The following HSF2BP variants were observed in gnomAD, a reference collection of about 807,000 sequenced individuals.
HSF2BP encodes heat shock transcription factor 2 binding protein.
HSF2BP carries 35 observed loss-of-function variants against 35.0 expected under a neutral mutation model. That is an observed-to-expected ratio of 1.00 (90% CI 0.76 to 1.32). The LOEUF is 1.32. Ranked by LOEUF, HSF2BP falls within the 40% of genes most tolerant of loss-of-function variation. The pLI, the probability that HSF2BP is intolerant of heterozygous loss-of-function variation, is 0.00. For synonymous variants in HSF2BP, 114 were observed against 117.4 expected, an observed-to-expected ratio of 0.97 and a Z score of 0.18; for missense variants, 326 against 321.7, an observed-to-expected ratio of 1.01 and a Z score of -0.10.
At chr21:43,641,117 C>T (rs4819282) in intron 4 of HSF2BP, among the ~76,000 whole-genome samples, 11 of 152,248 alleles carry the variant, frequency 7.2e-5, no homozygotes, top group African/African-American at 2.2e-4. Context: ...CTCAGCCTCC[C>T]GAGTAGCTGG....
intron 4 of HSF2BP, among the ~76,000 whole-genome samples, chr21:43,640,291 A>G (rs1349841151): frequency 6.6e-6 from 1 of 152,244 alleles, no homozygotes; most frequent in Non-Finnish European, 1.5e-5. Context: ...TGACACAGTG[A>G]GACTCTGTCT....
intron 6 of HSF2BP, among the ~76,000 whole-genome samples, chr21:43,615,090 T>C (rs1218484236): frequency 7.2e-5 from 11 of 152,162 alleles, no homozygotes; most frequent in Non-Finnish European, 2.9e-5. Context: ...CCTCGAAGTA[T>C]CCAATGATCC....
At chr21:43,608,407 T>A (rs1036421270) in intron 7 of HSF2BP, among the ~76,000 whole-genome samples, 5 of 152,106 alleles carry the variant, frequency 3.3e-5, no homozygotes, top group African/African-American at 1.2e-4. Context: ...AGGTACTATC[T>A]CACACCAGTC....
chr21:43,626,351 G>A (rs1419634392), intron 6 of HSF2BP, among the ~76,000 whole-genome samples: 8 of 152,016 alleles, frequency 5.3e-5, no homozygotes, highest in Non-Finnish European at 1.2e-4. Flanking sequence ...ATAAAGCAGA[G>A]ATTAAAGATC....
intron 7 of HSF2BP, among the ~76,000 whole-genome samples, chr21:43,593,536 G>GT (rs1187621195): frequency 1.3e-5 from 2 of 152,086 alleles, no homozygotes; most frequent in African/African-American, 4.8e-5. Context: ...GATACTAGAA[G>GT]TATCAACTGC....
chr21:43,584,064 G>T (rs1601621189), intron 8 of HSF2BP, among the ~76,000 whole-genome samples: 1 of 131,808 alleles, frequency 7.6e-6, no homozygotes, highest in African/African-American at 2.9e-5. Context: ...GAGATGAAGG[G>T]CCTGCTGAGG....
chr21:43,633,176 T>C, intron 5 of HSF2BP, 96 bp downstream of exon 5: 2 of 1,315,304 alleles, frequency 1.5e-6, no homozygotes, highest in Non-Finnish European at 2.1e-6. Context: ...AATGGAAAGA[T>C]ATGGACTTAG....
At chr21:43,581,154 A>T (rs1242259875) in intron 8 of HSF2BP, among the ~76,000 whole-genome samples, 1 of 152,200 alleles carries the variant, frequency 6.6e-6, no homozygotes, top group Non-Finnish European at 1.5e-5. Context: ...TGGGAAGACG[A>T]GGCGGGCGGA....
In HSF2BP at chr21:43,590,856, AG is replaced by A. The variant is rs539770710; in HGVS notation, c.796+1368del. ...CTCTCTGGAAAGCAGGGAGAGGAGC[AG>A]GAAGGAGGGACCACAAAGGGGCACA... is the stretch of plus-strand genomic sequence containing the variant. On this transcript the variant is annotated intron_variant, in intron 8 of 8. Coordinates refer to ENST00000291560, the MANE Select transcript of HSF2BP (RefSeq NM_007031.2). 1.6e-3 allele frequency among the ~76,000 whole-genome samples: 240 copies of A among 152,372 alleles called. 4 individuals carry two copies. Among genetic ancestry groups the A allele is most frequent in the African/African-American group, 5.6e-3 (235 of 41,596 alleles).
chr21:43,567,689 G>T lies in HSF2BP; in HGVS notation c.796+24536C>A, dbSNP rs149432750. Among the ~76,000 whole-genome samples the T allele has an allele frequency of 2.5e-3, 33 of 13,254 alleles. 2 individuals are homozygous for T. The highest frequency in any genetic ancestry group is 0.01 in the South Asian group (5 of 498). 8.7% of individuals were successfully genotyped at this position (13,254 alleles called of 152,430 possible). On this transcript the variant is annotated intron_variant, in intron 8 of 8. Coordinates refer to ENST00000291560, the MANE Select transcript of HSF2BP (RefSeq NM_007031.2). ...AAGAATAGGTAGCTGCCATTGTGTG[G>T]AACTAAGGAGAATGAAGAGAACAAG...
At chr21:43,584,146 GC>G (rs1314836539) in intron 8 of HSF2BP, among the ~76,000 whole-genome samples, 1 of 141,220 alleles carries the variant, frequency 7.1e-6, no homozygotes, top group Non-Finnish European at 1.5e-5. Context: ...GAGATGAAGG[GC>G]CTGCCGAGGG....
At position 43,598,861 on chromosome 21, in the gene HSF2BP, G is replaced by A. The variant is rs935446852; in HGVS notation, c.693-6533C>T. 3.3e-5 allele frequency among the ~76,000 whole-genome samples: 5 copies of A among 152,106 alleles called. No homozygotes were observed. In the South Asian group the frequency reaches 1.0e-3, roughly 32 times the overall value. On this transcript the variant is annotated intron_variant, in intron 7 of 8. Coordinates refer to ENST00000291560, the MANE Select transcript of HSF2BP (RefSeq NM_007031.2). ...CTTCAGATCACAAACACAGAGAGTTGGAATTCCTTAGAATTAAATATATTG... is the reference window on the plus strand; with the variant it reads ...CTTCAGATCACAAACACAGAGAGTTAGAATTCCTTAGAATTAAATATATTG...
At chr21:43,633,113 A>G in intron 5 of HSF2BP, 159 bp downstream of exon 5, 1 of 690,868 alleles carries the variant, frequency 1.4e-6, no homozygotes, top group East Asian at 3.0e-5. Context: ...TCAGGTTACA[A>G]TGAACCATAT....
chr21:43,581,994 G>C (rs2081747439), intron 8 of HSF2BP, among the ~76,000 whole-genome samples: 5 of 137,760 alleles, frequency 3.6e-5, no homozygotes, highest in Admixed American at 1.4e-4. Context: ...AGGGCCTGCT[G>C]TGGGAGATGA....
the HSF2BP span, among the ~76,000 whole-genome samples, chr21:43,501,251 A>G: frequency 1.6e-5 from 2 of 122,274 alleles, 1 homozygote; most frequent in Non-Finnish European, 3.4e-5. Context: ...TAAACAATTT[A>G]TAAGTTTTTT....
chr21:43,609,133 G>A (rs897313584), intron 7 of HSF2BP, among the ~76,000 whole-genome samples: 2 of 152,230 alleles, frequency 1.3e-5, no homozygotes, highest in African/African-American at 2.4e-5. Flanking sequence ...CAACATGGAT[G>A]CAGCTGGAGG....
chr21:43,602,130 CCA>C (rs565356674), intron 7 of HSF2BP, among the ~76,000 whole-genome samples: 20 of 152,192 alleles, frequency 1.3e-4, no homozygotes, highest in Non-Finnish European at 2.5e-4. Flanking sequence ...GTCCTGGACT[CCA>C]CACTCTCCAG....
In HSF2BP at chr21:43,658,108, C is replaced by T; in HGVS notation, c.-12G>A. The T allele has an allele frequency of 9.8e-6, 15 of 1,530,378 alleles. No homozygotes were observed. The highest frequency in any genetic ancestry group is 1.3e-5 in the Non-Finnish European group (15 of 1,142,984). The allele number at this position is 1,530,378 out of a possible 1,614,324, so 94.8% of individuals were successfully genotyped here. The stretch of plus-strand genomic sequence containing the variant: ...CCCGCTTCGCCCATGGCCGCTGCCG[C>T]CTCCGCTCCGTTCGCCTGAGCGTCG... On this transcript the variant is annotated 5_prime_UTR_variant, in exon 2 of 9. Transcript: ENST00000291560.
intron 1 of HSF2BP, among the ~76,000 whole-genome samples, chr21:43,658,725 C>T (rs1318797069): frequency 1.3e-5 from 2 of 152,254 alleles, no homozygotes; most frequent in African/African-American, 4.8e-5. Flanking sequence ...CTGCCCAACT[C>T]CCCTGGAAGC....
Sources: gnomAD v4.1 joint callset for allele counts (sites outside exome capture counted in the v4.1 genomes callset) on GRCh38, gnomAD v4.1.1 for gene constraint, MANE v1.5 for transcripts, NCBI Gene and HGNC (gene_info 2026-07-23, HGNC 2026-07-21) for gene names.